Variants in PIGV observed in about 807,000 individuals in gnomAD.
PIGV encodes the protein GPI alpha-1,6-mannosyltransferase 2.
A neutral mutation model predicts 39.2 loss-of-function variants in PIGV; 27 were observed. That is an observed-to-expected ratio of 0.69 (90% confidence interval 0.51 to 0.95). The LOEUF (loss-of-function observed/expected upper bound fraction) is 0.95. Ranked by LOEUF, PIGV falls within the 40% of genes least tolerant of loss-of-function variation. PIGV has a pLI of 0.00. For synonymous variants in PIGV, 232 were observed against 241.7 expected (o/e 0.96, Z 0.37); for missense variants, 523 against 586.4 (o/e 0.89, Z 1.12).
rs201084787 is a variant in PIGV at position 26,795,007 on chromosome 1, G to A, written c.973G>A (p.Val325Met). ...GFLKYYELKQ[V>M]PNFLLAAPVA... is the part of the protein sequence containing the mutation. ...TTTGAAATACTATGAGCTCAAGCAG[G>A]TGCCCAATTTTCTACTGGCTGCACC... Residue 325 changes from valine to methionine, a missense_variant, in exon 3 of 4, where the codon GTG becomes ATG. Transcript: ENST00000674202. The A allele has an allele frequency of 3.1e-6, 5 of 1,614,180 alleles. No individual in the cohort carries two copies. The East Asian group carries it at 1.1e-4, about 36-fold the overall frequency.
chr1:26,790,807 G>A lies in PIGV; in HGVS notation c.-9G>A. 6.2e-7 allele frequency: 1 copy of A among 1,613,136 alleles called. No individual in the cohort carries two copies. The highest frequency in any genetic ancestry group is 2.2e-5 in the East Asian group (1 of 44,902). On this transcript the variant is annotated 5_prime_UTR_variant, in exon 2 of 4. Coordinates refer to ENST00000674202, the MANE Select transcript of PIGV (RefSeq NM_017837.4). The stretch of plus-strand genomic sequence containing the variant: ...GTAGCAACACCCCTGAATTCCTGGT[G>A]GTGAAAGGATGTGGCCCCAGGACCC...
Position 26,796,454 on chromosome 1 carries a change from C to A in PIGV, c.1201-1109C>A, listed in dbSNP as rs1487154824. Among the ~76,000 whole-genome samples, 7 of 152,158 alleles carry A rather than the reference C, an allele frequency of 4.6e-5. No homozygotes were observed. In the East Asian group the frequency reaches 7.7e-4, roughly 17 times the overall value. ...AAGTGTTGGGATTATAGGCACGAGC[C>A]ACTGCGCCCAGCAAGATTTTTTTTT... On this transcript the variant is annotated intron_variant, in intron 3 of 3. Transcript: ENST00000674202.
rs1388914998 is a variant in PIGV, at chr1:26,800,482, G to C, written c.*2638G>C. On this transcript the variant is annotated 3_prime_UTR_variant, in exon 4 of 4. Transcript: ENST00000674202. ...TTGTTCTTTAATGAAGGTGGGAGGA[G>C]AGTGTTTGACATACCTTTACCAGTC... 6.6e-6 allele frequency among the ~76,000 whole-genome samples: 1 copy of C among 152,154 alleles called. No individual in the cohort carries two copies. Among genetic ancestry groups the C allele is most frequent in the Non-Finnish European group, 1.5e-5 (1 of 68,026 alleles).
rs770642893 is a variant in PIGV, at chr1:26,790,854, G to A, written c.39G>A (p.Arg13=). ...PQDPSRKEVL[R]FAVSCRILTL... ...ACCCATCCCGGAAGGAGGTGCTGAG[G>A]TTTGCAGTCAGCTGCCGTATCCTGA... The change falls in exon 2 of 4, where the codon AGG becomes AGA. Residue 13 remains arginine (R), a synonymous_variant. Coordinates refer to ENST00000674202, the MANE Select transcript of PIGV (RefSeq NM_017837.4). The A allele has an allele frequency of 1.9e-6, 3 of 1,614,122 alleles. No individual in the cohort carries two copies. Among genetic ancestry groups the A allele is most frequent in the African/African-American group, 2.7e-5 (2 of 75,036 alleles).
At chr1:26,796,335 A>AT (rs1338849270) in intron 3 of PIGV, among the ~76,000 whole-genome samples, 4 of 151,566 alleles carry the variant, frequency 2.6e-5, no homozygotes, top group Non-Finnish European at 4.4e-5. Context: ...TGCCTGGCTA[A>AT]TTTTTTGTAT....
intron 3 of PIGV, among the ~76,000 whole-genome samples, chr1:26,797,143 G>A (rs1206730256): frequency 1.3e-5 from 2 of 152,176 alleles, no homozygotes; most frequent in Non-Finnish European, 2.9e-5. Context: ...ACTCCAATAG[G>A]AGAGAGAATG....
chr1:26,797,039 G>A (rs903693301), intron 3 of PIGV, among the ~76,000 whole-genome samples: 5 of 152,184 alleles, frequency 3.3e-5, no homozygotes, highest in Admixed American at 6.5e-5. Context: ...GTAGCATTCC[G>A]TGTTTTTAGC....
intron 2 of PIGV, among the ~76,000 whole-genome samples, chr1:26,792,933 CAT>C (rs1328954000): frequency 2.0e-5 from 3 of 152,186 alleles, no homozygotes; most frequent in Non-Finnish European, 4.4e-5. Context: ...AAACATGTAA[CAT>C]GTAACAAATT....
chr1:26,796,166 T>A (rs1000258647), intron 3 of PIGV, among the ~76,000 whole-genome samples: 1 of 142,520 alleles, frequency 7.0e-6, no homozygotes, highest in African/African-American at 2.6e-5. Context: ...GGCCTGAGAT[T>A]TTTTTTTTTT....
At position 26,799,511 on chromosome 1, in the gene PIGV, G is replaced by A. The variant is rs928096301; in HGVS notation, c.*1667G>A. 6.6e-6 allele frequency among the ~76,000 whole-genome samples: 1 copy of A among 152,140 alleles called. No individual in the cohort carries two copies. Among genetic ancestry groups the A allele is most frequent in the Non-Finnish European group, 1.5e-5 (1 of 68,018 alleles). ...TAAGCAGAAACTCTTCAAAACAGAT[G>A]GGTAATCATAAGCAGCTTCTGGAAA... On this transcript the variant is annotated 3_prime_UTR_variant, in exon 4 of 4. Transcript: ENST00000674202.
chr1:26,792,477 G>A (rs1456148434), intron 2 of PIGV, among the ~76,000 whole-genome samples: 1 of 152,082 alleles, frequency 6.6e-6, no homozygotes, highest in East Asian at 1.9e-4. Flanking sequence ...ACAGGCGCCC[G>A]CCACCGCGCC....
rs1203854267 is a variant in PIGV, at chr1:26,800,598, T to A, written c.*2754T>A. Reference sequence around the variant, plus strand: ...CAGGCTCAAGGGATTTGAAACTGATTGATTCTTTCAGTAATTGTTTATTAA... The same window carrying A: ...CAGGCTCAAGGGATTTGAAACTGATAGATTCTTTCAGTAATTGTTTATTAA... On this transcript the variant is annotated 3_prime_UTR_variant, in exon 4 of 4. Coordinates refer to ENST00000674202, the MANE Select transcript of PIGV (RefSeq NM_017837.4). Among the ~76,000 whole-genome samples, 3 of 152,166 alleles carry A rather than the reference T, an allele frequency of 2.0e-5. No homozygotes were observed. Among genetic ancestry groups the A allele is most frequent in the Non-Finnish European group, 4.4e-5 (3 of 68,024 alleles).
At chr1:26,795,947 C>G (rs2081377900) in intron 3 of PIGV, among the ~76,000 whole-genome samples, 1 of 151,224 alleles carries the variant, frequency 6.6e-6, no homozygotes, top group Admixed American at 6.6e-5. Flanking sequence ...CAACCTGTGT[C>G]TCCTGGGTTC....
chr1:26,795,833 T>C (rs1160992182), intron 3 of PIGV, among the ~76,000 whole-genome samples: 6 of 151,318 alleles, frequency 4.0e-5, no homozygotes, highest in Non-Finnish European at 8.8e-5. Context: ...ATTTTGAGAT[T>C]TATTTTATTT....
In PIGV at chr1:26,797,722, A is replaced by G; in HGVS notation, c.1360A>G (p.Ile454Val). 2.5e-6 allele frequency: 4 copies of G among 1,614,164 alleles called. No homozygotes were observed. Among genetic ancestry groups the G allele is most frequent in the South Asian group, 1.1e-5 (1 of 91,084 alleles). Residue 454 changes from isoleucine (I) to valine (V), a missense_variant, in exon 4 of 4, where the codon ATC becomes GTC. Physicochemically the swap from Ile to Val is conservative, Grantham distance 29. Transcript: ENST00000674202. ...PPGQKVPRNP[I>V]MGLLYHWKTC... Reference sequence around the variant, plus strand: ...AGGACAAAAGGTCCCCAGAAATCCTATCATGGGACTTTTGTATCACTGGAA... The same window carrying G: ...AGGACAAAAGGTCCCCAGAAATCCTGTCATGGGACTTTTGTATCACTGGAA...
At chr1:26,787,601 G>C (rs2081252333), upstream of PIGV, 1 of 152,422 alleles carries the variant, frequency 6.6e-6, no homozygotes, top group East Asian at 1.9e-4. Flanking sequence ...CAGGAAGAGC[G>C]CGGCTCTGGT....
chr1:26,797,483 A>G, intron 3 of PIGV, 80 bp from the exon 4 acceptor site: 2 of 1,135,672 alleles, frequency 1.8e-6, no homozygotes, highest in Non-Finnish European at 2.7e-6. Context: ...ACCCAGCAGT[A>G]GAGAAGTCCC....
At chr1:26,797,076 G>A (rs1301296632) in intron 3 of PIGV, among the ~76,000 whole-genome samples, 2 of 152,210 alleles carry the variant, frequency 1.3e-5, no homozygotes, top group Non-Finnish European at 2.9e-5. Context: ...ATGTGTGCCA[G>A]CAAAGCTTAA....
intron 1 of PIGV, among the ~76,000 whole-genome samples, chr1:26,789,355 G>T (rs2081281878): frequency 6.6e-6 from 1 of 152,258 alleles, no homozygotes; most frequent in Non-Finnish European, 1.5e-5. Context: ...CTTGTGCCAA[G>T]GAAAGAGTAC....
Sources: gnomAD v4.1 joint callset for allele counts (sites outside exome capture counted in the v4.1 genomes callset) on GRCh38, gnomAD v4.1.1 for gene constraint, MANE v1.5 for transcripts, NCBI Gene and HGNC (gene_info 2026-07-23, HGNC 2026-07-21) for gene names.